Variants in KCTD8 observed in about 807,000 individuals in gnomAD.
KCTD8 encodes BTB/POZ domain-containing protein KCTD8.
KCTD8 carries 27 observed loss-of-function variants against 31.5 expected under a neutral mutation model. The observed-to-expected ratio is 0.86, with a 90% CI of 0.63 to 1.18. The LOEUF (loss-of-function observed/expected upper bound fraction) is 1.18. KCTD8 is among the 50% of genes most tolerant of loss of function. The pLI, the probability that KCTD8 is intolerant of heterozygous loss-of-function variation, is 0.00. For missense variants in KCTD8, 658 were observed against 647.7 expected (o/e 1.02, Z -0.17); for synonymous variants, 290 against 280.0 (o/e 1.04, Z -0.36).
chr4:44,270,777 C>T (rs988229343), intron 1 of KCTD8, among the ~76,000 whole-genome samples: 1 of 152,062 alleles, frequency 6.6e-6, no homozygotes, highest in Non-Finnish European at 1.5e-5. Flanking sequence ...GTTATTGATG[C>T]TTATTTGTTC....
intron 1 of KCTD8, among the ~76,000 whole-genome samples, chr4:44,322,569 C>T (rs534420001): frequency 5.3e-4 from 80 of 151,922 alleles, no homozygotes; most frequent in Middle Eastern, 3.4e-3. Context: ...TATGTTTTTC[C>T]TTTGCTGTGC....
intron 1 of KCTD8, among the ~76,000 whole-genome samples, chr4:44,221,002 A>G (rs954332760): frequency 6.6e-6 from 1 of 152,174 alleles, no homozygotes; most frequent in Non-Finnish European, 1.5e-5. Context: ...TCCTGATATG[A>G]GGTCTCATTG....
At chr4:44,329,481 A>C (rs1363833490) in intron 1 of KCTD8, among the ~76,000 whole-genome samples, 3 of 151,988 alleles carry the variant, frequency 2.0e-5, no homozygotes, top group Admixed American at 6.6e-5. Context: ...TGTAAGCATT[A>C]ATTTTAGTGA....
intron 1 of KCTD8, among the ~76,000 whole-genome samples, chr4:44,367,987 T>C (rs1461405622): frequency 1.3e-5 from 2 of 152,192 alleles, no homozygotes; most frequent in African/African-American, 4.8e-5. Flanking sequence ...TGGACAGTCA[T>C]GCCCTGACAG....
At chr4:44,397,437 C>T (rs1181010452) in intron 1 of KCTD8, among the ~76,000 whole-genome samples, 1 of 152,066 alleles carries the variant, frequency 6.6e-6, no homozygotes, top group Non-Finnish European at 1.5e-5. Context: ...TGTGTGCATG[C>T]ATGTGTGTGT....
At chr4:44,349,353 G>A (rs1325091578) in intron 1 of KCTD8, among the ~76,000 whole-genome samples, 1 of 152,054 alleles carries the variant, frequency 6.6e-6, no homozygotes, top group African/African-American at 2.4e-5. Context: ...ACTGGGCAGG[G>A]GGCACCTCAG....
At chr4:44,176,692 A>C (rs1713226164) in intron 1 of KCTD8, among the ~76,000 whole-genome samples, 1 of 152,180 alleles carries the variant, frequency 6.6e-6, no homozygotes, top group South Asian at 2.1e-4. Flanking sequence ...GAAATATTCT[A>C]TCTCTTCATT....
chr4:44,244,579 C>A (rs2109358499), intron 1 of KCTD8, among the ~76,000 whole-genome samples: 1 of 152,244 alleles, frequency 6.6e-6, no homozygotes, highest in East Asian at 1.9e-4. Context: ...AGACAAAAAT[C>A]CAGAATGATT....
intron 1 of KCTD8, among the ~76,000 whole-genome samples, chr4:44,292,152 T>C (rs1248212552): frequency 1.3e-5 from 2 of 152,074 alleles, no homozygotes; most frequent in Non-Finnish European, 2.9e-5. Context: ...TGAATCATTC[T>C]ACCCAAAATA....
intron 1 of KCTD8, among the ~76,000 whole-genome samples, chr4:44,252,345 A>G (rs978327001): frequency 2.0e-5 from 3 of 151,752 alleles, no homozygotes; most frequent in African/African-American, 7.3e-5. Context: ...ATTTTTTCAT[A>G]TAATGACTTC....
intron 1 of KCTD8, among the ~76,000 whole-genome samples, chr4:44,422,002 C>T (rs1295936081): frequency 6.6e-6 from 1 of 152,078 alleles, no homozygotes; most frequent in Non-Finnish European, 1.5e-5. Context: ...GAAATACATG[C>T]CATTCCTTCT....
At chr4:44,382,606 T>G (rs1720098611) in intron 1 of KCTD8, among the ~76,000 whole-genome samples, 4 of 151,908 alleles carry the variant, frequency 2.6e-5, no homozygotes, top group African/African-American at 9.7e-5. Flanking sequence ...GGTGGGCACC[T>G]GTAATCCCAG....
chr4:44,303,955 C>T (rs1277958501), intron 1 of KCTD8, among the ~76,000 whole-genome samples: 1 of 152,108 alleles, frequency 6.6e-6, no homozygotes, highest in Non-Finnish European at 1.5e-5. Context: ...TAAATACAAA[C>T]TCAGGTTACA....
At chr4:44,308,342 T>C (rs1429336721) in intron 1 of KCTD8, among the ~76,000 whole-genome samples, 1 of 151,994 alleles carries the variant, frequency 6.6e-6, no homozygotes, top group Non-Finnish European at 1.5e-5. Flanking sequence ...GAACTCTTTT[T>C]TTTTCCCTTT....
chr4:44,221,802 C>T (rs1714816801), intron 1 of KCTD8, among the ~76,000 whole-genome samples: 2 of 151,756 alleles, frequency 1.3e-5, no homozygotes, highest in Admixed American at 6.6e-5. Context: ...TTAGATGGTG[C>T]CCACCCAGAT....
intron 1 of KCTD8, among the ~76,000 whole-genome samples, chr4:44,334,311 CCTT>C (rs1560428903): frequency 6.6e-6 from 1 of 151,950 alleles, no homozygotes; most frequent in African/African-American, 2.4e-5. Flanking sequence ...AACCAAGAAA[CCTT>C]CTATAAATTT....
At chr4:44,395,597 A>G (rs1720482503) in intron 1 of KCTD8, among the ~76,000 whole-genome samples, 1 of 152,132 alleles carries the variant, frequency 6.6e-6, no homozygotes, top group Non-Finnish European at 1.5e-5. Flanking sequence ...CTCCTTGGTT[A>G]AAGAAACCCA....
intron 1 of KCTD8, among the ~76,000 whole-genome samples, chr4:44,368,990 T>G (rs1348418742): frequency 6.6e-6 from 1 of 152,194 alleles, no homozygotes; most frequent in East Asian, 1.9e-4. Context: ...GTCCTTTTTT[T>G]GCAGTTACCT....
intron 1 of KCTD8, among the ~76,000 whole-genome samples, chr4:44,208,454 T>A (rs1173352804): frequency 6.6e-6 from 1 of 152,140 alleles, no homozygotes; most frequent in African/African-American, 2.4e-5. Flanking sequence ...CCATCTCTTA[T>A]CACTACTTCC....
Sources: gnomAD v4.1 joint callset for allele counts (sites outside exome capture counted in the v4.1 genomes callset) on GRCh38, gnomAD v4.1.1 for gene constraint, MANE v1.5 for transcripts, NCBI Gene and HGNC (gene_info 2026-07-23, HGNC 2026-07-21) for gene names.